Variants in MCTP1 observed in about 807,000 individuals in gnomAD.
MCTP1 encodes multiple C2 and transmembrane domain containing 1.
A neutral mutation model predicts 120.6 loss-of-function variants in MCTP1; 69 were observed. That is an observed-to-expected ratio of 0.57 (90% CI 0.47 to 0.70). The LOEUF (loss-of-function observed/expected upper bound fraction) is 0.70, where lower values mean the gene tolerates loss of function less well. MCTP1 is among the 30% of genes least tolerant of loss of function. The pLI is 0.00. For missense variants in MCTP1, 1,203 were observed against 1,248.8 expected, an observed-to-expected ratio of 0.96 and a Z score of 0.55; for synonymous variants, 529 against 493.1, an observed-to-expected ratio of 1.07 and a Z score of -0.96.
chr5:95,000,857 C>T (rs1299784199), intron 2 of MCTP1, among the ~76,000 whole-genome samples: 2 of 152,176 alleles, frequency 1.3e-5, no homozygotes, highest in East Asian at 1.9e-4. Flanking sequence ...ACTGACTCAC[C>T]CAGAGCAACT....
At chr5:95,274,673 G>C (rs1357361722) in intron 1 of MCTP1, among the ~76,000 whole-genome samples, 1 of 151,374 alleles carries the variant, frequency 6.6e-6, no homozygotes, top group Non-Finnish European at 1.5e-5. Context: ...GCCCAGGCTG[G>C]AGTGCAGGGG....
chr5:94,967,771 G>A (rs1435881991), intron 2 of MCTP1, among the ~76,000 whole-genome samples: 2 of 152,220 alleles, frequency 1.3e-5, no homozygotes, highest in Admixed American at 6.5e-5. Flanking sequence ...TGGTTTAAAA[G>A]TGGTAAATAT....
At chr5:94,835,362 T>A (rs1329845566) in intron 17 of MCTP1, among the ~76,000 whole-genome samples, 1 of 152,180 alleles carries the variant, frequency 6.6e-6, no homozygotes, top group Non-Finnish European at 1.5e-5. Flanking sequence ...AGTTTCAACA[T>A]TCCGAAAAAG....
chr5:94,850,885 T>A (rs1001551723), intron 17 of MCTP1, among the ~76,000 whole-genome samples: 2 of 152,150 alleles, frequency 1.3e-5, no homozygotes, highest in African/African-American at 4.8e-5. Flanking sequence ...ACAAACCTTG[T>A]GGGGGAAGGG....
At chr5:94,889,533 G>A (rs1802066772) in intron 11 of MCTP1, among the ~76,000 whole-genome samples, 1 of 152,132 alleles carries the variant, frequency 6.6e-6, no homozygotes, top group South Asian at 2.1e-4. Context: ...AGGTTGCAGT[G>A]AGCCAAGATC....
At chr5:94,781,418 A>G (rs372086320) in intron 18 of MCTP1, among the ~76,000 whole-genome samples, 158 of 152,258 alleles carry the variant, frequency 1.0e-3, no homozygotes, top group African/African-American at 3.6e-3. Context: ...TCTACCCTTC[A>G]TATCATTTAA....
chr5:95,173,462 A>G (rs910774406), intron 1 of MCTP1, among the ~76,000 whole-genome samples: 2 of 152,218 alleles, frequency 1.3e-5, no homozygotes, highest in African/African-American at 4.8e-5. Flanking sequence ...GAGACTCCTA[A>G]TAACTCACCT....
chr5:94,923,504 TTTTCAAAGAAAGAGCACTGATCAG>T (rs1812230831), intron 7 of MCTP1, among the ~76,000 whole-genome samples: 1 of 152,198 alleles, frequency 6.6e-6, no homozygotes, highest in Admixed American at 6.5e-5. Flanking sequence ...ATAGGATTTC[TTTTCAAAGAAAGAGCACTGATCAG>T]TATATATCTA....
intron 17 of MCTP1, among the ~76,000 whole-genome samples, chr5:94,809,605 G>C (rs998603361): frequency 6.6e-6 from 1 of 152,078 alleles, no homozygotes; most frequent in African/African-American, 2.4e-5. Context: ...AATTTTAACA[G>C]CTTTGTAATT....
rs988577445 is a variant in MCTP1 at position 94,791,366 on chromosome 5, G to A, written c.2556+7647C>T. 9.9e-5 allele frequency among the ~76,000 whole-genome samples: 15 copies of A among 151,896 alleles called. No homozygotes were observed. The South Asian group carries it at 2.3e-3, about 23-fold the overall frequency. On this transcript the variant is annotated intron_variant, in intron 18 of 22. Coordinates refer to ENST00000515393, the MANE Select transcript of MCTP1 (RefSeq NM_024717.7). ...ATTAAGAAGACTGGTGCAGTGGCTC[G>A]CACCTGTTGTCCCAGCTAGGCAGGA...
chr5:94,714,985 A>G lies in MCTP1; in HGVS notation c.2611-99T>C, dbSNP rs889588005. ...TCTGTTACATTTTTAAACTTAAATAAACTTCATTTTCGTGTGGTTATAAAT... is the reference window on the plus strand; with the variant it reads ...TCTGTTACATTTTTAAACTTAAATAGACTTCATTTTCGTGTGGTTATAAAT... On this transcript the variant is annotated intron_variant, in intron 19 of 22. Transcript: ENST00000515393. The G allele has an allele frequency of 6.8e-6, 5 of 740,032 alleles. No individual in the cohort carries two copies. The East Asian group carries it at 1.3e-4, about 19-fold the overall frequency. The allele number at this position is 740,032 out of a possible 1,614,324, so 45.8% of individuals were successfully genotyped here.
intron 17 of MCTP1, among the ~76,000 whole-genome samples, chr5:94,814,083 G>A (rs976308647): frequency 1.2e-4 from 18 of 152,160 alleles, no homozygotes; most frequent in African/African-American, 4.3e-4. Context: ...TGAGGTGATG[G>A]TTGTACAACT....
In MCTP1 at chr5:95,108,425, T is replaced by G. The variant is rs554547537; in HGVS notation, c.721-90941A>C. ...TCACAAAGTAATGAACAGCAAGATG[T>G]TAGTGATTAATAACCAGCTTAATGT... On this transcript the variant is annotated intron_variant, in intron 1 of 22. Transcript: ENST00000515393. Among the ~76,000 whole-genome samples, 3 of 152,280 alleles carry G rather than the reference T, an allele frequency of 2.0e-5. No individual in the cohort carries two copies. In the South Asian group the frequency reaches 6.2e-4, roughly 32 times the overall value.
chr5:95,215,189 T>A (rs1221459165), intron 1 of MCTP1, among the ~76,000 whole-genome samples: 1 of 152,184 alleles, frequency 6.6e-6, no homozygotes, highest in Middle Eastern at 3.2e-3. Context: ...CTCCAAGCAA[T>A]AGCTAAACCT....
At chr5:95,027,346 G>T (rs576516791) in intron 1 of MCTP1, among the ~76,000 whole-genome samples, 27 of 152,304 alleles carry the variant, frequency 1.8e-4, no homozygotes, top group African/African-American at 6.0e-4. Flanking sequence ...TCTAAACTAA[G>T]GGCAGACAGT....
chr5:95,021,542 T>C (rs1838199791), intron 1 of MCTP1, among the ~76,000 whole-genome samples: 1 of 152,068 alleles, frequency 6.6e-6, no homozygotes, highest in Non-Finnish European at 1.5e-5. Context: ...TAGCTTAATT[T>C]ATTCTTGGGT....
intron 12 of MCTP1, among the ~76,000 whole-genome samples, chr5:94,883,091 A>ACAT (rs1431628568): frequency 6.6e-6 from 1 of 152,212 alleles, no homozygotes; most frequent in African/African-American, 2.4e-5. Context: ...AGATGTGGTG[A>ACAT]CATAAAAGAA....
At chr5:94,720,944 A>C (rs150376579) in intron 19 of MCTP1, among the ~76,000 whole-genome samples, 86 of 152,336 alleles carry the variant, frequency 5.6e-4, no homozygotes, top group African/African-American at 2.0e-3. Flanking sequence ...TCCACTCTAC[A>C]GAAGAGGAAA....
chr5:95,054,065 C>T lies in MCTP1; in HGVS notation c.721-36581G>A, dbSNP rs547731761. On this transcript the variant is annotated intron_variant, in intron 1 of 22. Coordinates refer to ENST00000515393, the MANE Select transcript of MCTP1 (RefSeq NM_024717.7). ...ACACAATTCTTCTTATCTATGACTTCGGAAAATACTGGGTTTTTATTCTGT... is the reference window on the plus strand; with the variant it reads ...ACACAATTCTTCTTATCTATGACTTTGGAAAATACTGGGTTTTTATTCTGT... Among the ~76,000 whole-genome samples the T allele has an allele frequency of 2.4e-4, 37 of 152,276 alleles. No individual in the cohort carries two copies. The South Asian group carries it at 5.6e-3, about 23-fold the overall frequency.
Sources: gnomAD v4.1 joint callset for allele counts (sites outside exome capture counted in the v4.1 genomes callset) on GRCh38, gnomAD v4.1.1 for gene constraint, MANE v1.5 for transcripts, NCBI Gene and HGNC (gene_info 2026-07-23, HGNC 2026-07-21) for gene names.